The following OOEP variants were observed in gnomAD, a reference collection of about 807,000 sequenced individuals.
OOEP encodes the protein oocyte-expressed protein homolog.
In OOEP, 16 loss-of-function variants were observed where a neutral mutation model predicts 13.7. The observed-to-expected ratio is 1.16, with a 90% confidence interval of 0.79 to 1.77. OOEP has a LOEUF of 1.77. Ranked by LOEUF, OOEP falls within the 40% of genes most tolerant of loss-of-function variation. OOEP has a pLI of 0.00. For missense variants in OOEP, 195 were observed against 193.1 expected, an observed-to-expected ratio of 1.01 and a Z score of -0.06; for synonymous variants, 89 against 77.1, an observed-to-expected ratio of 1.15 and a Z score of -0.81.
At chr6:73,390,798 C>G (rs949686634) in intron 2 of OOEP, among the ~76,000 whole-genome samples, 7 of 149,742 alleles carry the variant, frequency 4.7e-5, no homozygotes, top group Non-Finnish European at 1.0e-4. Context: ...AGGGGGGTAT[C>G]GCCATGTTGG....
intron 2 of OOEP, among the ~76,000 whole-genome samples, chr6:73,381,443 T>A (rs1484696785): frequency 1.3e-5 from 2 of 152,144 alleles, no homozygotes; most frequent in African/African-American, 4.8e-5. Context: ...CAAGACCATA[T>A]GTTGGCAAAT....
At chr6:73,376,341 G>GTTTTTTTT (rs1562278072) in intron 2 of OOEP, among the ~76,000 whole-genome samples, 5 of 67,906 alleles carry the variant, frequency 7.4e-5, no homozygotes, top group Admixed American at 6.5e-4. Flanking sequence ...TGGACAAGGG[G>GTTTTTTTT]TTGTTTTTTT....
intron 2 of OOEP, among the ~76,000 whole-genome samples, chr6:73,379,639 A>AG (rs1769175137): frequency 2.3e-5 from 2 of 87,018 alleles, no homozygotes; most frequent in African/African-American, 7.6e-5. Flanking sequence ...ACTCTATCTC[A>AG]AAAAAAAAAA....
intron 2 of OOEP, among the ~76,000 whole-genome samples, chr6:73,377,130 T>C (rs1331993446): frequency 6.6e-6 from 1 of 152,232 alleles, no homozygotes; most frequent in Non-Finnish European, 1.5e-5. Context: ...TGTGGTCTTA[T>C]TACCATGGGA....
chr6:73,373,266 C>G (rs977674913), upstream of OOEP: 2 of 1,605,474 alleles, frequency 1.2e-6, no homozygotes, highest in African/African-American at 1.3e-5. Context: ...GAAGACATGG[C>G]GAGCAGCGGA....
At chr6:73,378,953 C>A (rs906789457) in intron 2 of OOEP, among the ~76,000 whole-genome samples, 1 of 151,904 alleles carries the variant, frequency 6.6e-6, no homozygotes, top group African/African-American at 2.4e-5. Flanking sequence ...ATTAGAAATT[C>A]AAACTTTGAG....
intron 2 of OOEP, among the ~76,000 whole-genome samples, chr6:73,382,455 A>G (rs1405592775): frequency 6.6e-6 from 1 of 151,524 alleles, no homozygotes; most frequent in Non-Finnish European, 1.5e-5. Flanking sequence ...TGACCTCGTG[A>G]TCCACCTGCC....
At chr6:73,371,760 A>T (rs574788818), upstream of OOEP, among the ~76,000 whole-genome samples, 80 of 149,388 alleles carry the variant, frequency 5.4e-4, no homozygotes, top group Middle Eastern at 0.01. Flanking sequence ...CAAAAATAAA[A>T]AAAAATAAAA....
chr6:73,369,135 G>C, intron 2 of OOEP, 71 bp downstream of exon 2: 1 of 1,468,096 alleles, frequency 6.8e-7, no homozygotes, highest in Non-Finnish European at 9.3e-7. Context: ...AGGGAGGATG[G>C]AAGGAAACCG....
intron 2 of OOEP, among the ~76,000 whole-genome samples, chr6:73,385,624 A>G (rs772934407): frequency 1.7e-4 from 25 of 148,368 alleles, no homozygotes; most frequent in Admixed American, 3.4e-4. Flanking sequence ...GTCTCACTCT[A>G]TTGACTAGGC....
At chr6:73,375,448 C>T (rs1249762579) in intron 2 of OOEP, among the ~76,000 whole-genome samples, 2 of 151,990 alleles carry the variant, frequency 1.3e-5, no homozygotes, top group Non-Finnish European at 2.9e-5. Flanking sequence ...TGTGGTGTCT[C>T]ATGCCTTGTA....
At chr6:73,389,329 G>A (rs1461866121) in intron 2 of OOEP, among the ~76,000 whole-genome samples, 1 of 152,056 alleles carries the variant, frequency 6.6e-6, no homozygotes, top group African/African-American at 2.4e-5. Flanking sequence ...GGTCACACCC[G>A]AGGCAAAAAT....
intron 2 of OOEP, among the ~76,000 whole-genome samples, chr6:73,382,160 G>A (rs977837192): frequency 6.7e-6 from 1 of 150,064 alleles, no homozygotes; most frequent in Non-Finnish European, 1.5e-5. Context: ...TGATCCCCCC[G>A]CCTCAGCCTC....
upstream of OOEP, among the ~76,000 whole-genome samples, chr6:73,372,953 A>G (rs1582624592): frequency 9.6e-6 from 1 of 103,760 alleles, no homozygotes; most frequent in Non-Finnish European, 2.0e-5. Flanking sequence ...TCACATATTT[A>G]TTACTGAATC....
chr6:73,369,414 G>T (rs771033799), intron 1 of OOEP, 29 bp from the exon 2 acceptor site: 1 of 1,592,964 alleles, frequency 6.3e-7, no homozygotes. Context: ...ACTCTGAGGG[G>T]CTGCACGGTG....
At chr6:73,377,764 C>A (rs1039356288) in intron 2 of OOEP, among the ~76,000 whole-genome samples, 1 of 152,170 alleles carries the variant, frequency 6.6e-6, no homozygotes, top group African/African-American at 2.4e-5. Flanking sequence ...ACCGTCTGGA[C>A]TCAAGCAATT....
upstream of OOEP, chr6:73,373,331 G>T (rs2150779530): frequency 5.4e-6 from 8 of 1,476,404 alleles, no homozygotes; most frequent in South Asian, 9.1e-5. Flanking sequence ...CTCTTCTTTT[G>T]TTTTCTTTTT....
intron 1 of OOEP, chr6:73,394,558 G>T (rs578190567): frequency 3.2e-5 from 18 of 563,528 alleles, no homozygotes; most frequent in Non-Finnish European, 5.0e-5. Flanking sequence ...GTGTCCAGTA[G>T]GGGAGGGAGC....
rs201767692 is a variant in OOEP, at chr6:73,369,322, A to C, written c.254T>G (p.Ile85Arg). The change falls in exon 2 of 3, where the codon ATA becomes AGA. Residue 85 changes from isoleucine to arginine, a missense_variant. Ile to Arg is a moderately conservative substitution (Grantham distance 97). Coordinates refer to ENST00000370359, the MANE Select transcript of OOEP (RefSeq NM_001080507.3). ...WTSQALLTVD[I>R]VDSGNLVEIT... Reference sequence around the variant, plus strand: ...TTCGACTAGGTTCCCTGAGTCCACTATGTCCACTGTCAGCAGGGCCTGGCT... The same window carrying C: ...TTCGACTAGGTTCCCTGAGTCCACTCTGTCCACTGTCAGCAGGGCCTGGCT... 4.0e-4 allele frequency: 653 copies of C among 1,613,638 alleles called. 2 individuals are homozygous for C. Among genetic ancestry groups the C allele is most frequent in the Non-Finnish European group, 5.1e-4 (607 of 1,179,842 alleles).
Sources: allele counts gnomAD v4.1 joint callset (sites outside exome capture counted in the v4.1 genomes callset), GRCh38; gene constraint gnomAD v4.1.1; transcripts MANE v1.5; gene names NCBI Gene and HGNC (gene_info 2026-07-23, HGNC 2026-07-21).